CACNA2D3: variants seen among roughly 807,000 people sequenced by gnomAD.
The protein encoded by CACNA2D3 is calcium voltage-gated channel auxiliary subunit alpha2delta 3, also known as voltage-dependent calcium channel subunit alpha-2/delta-3.
Under a neutral mutation model 160.6 loss-of-function variants are expected in CACNA2D3, and 60 were observed. The ratio of observed to expected loss-of-function variants is 0.37; its 90% CI spans 0.30 to 0.46. The LOEUF (loss-of-function observed/expected upper bound fraction) is 0.46. CACNA2D3 is among the 20% of genes least tolerant of loss of function. The pLI, the probability that CACNA2D3 is intolerant of heterozygous loss-of-function variation, is 1.00. For synonymous variants in CACNA2D3, 558 were observed against 492.9 expected (o/e 1.13, Z -1.75); for missense variants, 1,205 against 1,365.0 (o/e 0.88, Z 1.85).
chr3:54,509,288 TG>T (rs1701420189), intron 5 of CACNA2D3, among the ~76,000 whole-genome samples: 2 of 24,198 alleles, frequency 8.3e-5, no homozygotes, highest in Admixed American at 1.3e-3. Flanking sequence ...CGTGTGTGTG[TG>T]TTTGTGTGTG....
At chr3:55,019,620 A>C (rs1025671699) in intron 35 of CACNA2D3, among the ~76,000 whole-genome samples, 1 of 152,162 alleles carries the variant, frequency 6.6e-6, no homozygotes, top group African/African-American at 2.4e-5. Context: ...ATTGTATCCA[A>C]CACACTGCTA....
chr3:54,971,133 G>T (rs1271500197), intron 29 of CACNA2D3, among the ~76,000 whole-genome samples: 1 of 151,084 alleles, frequency 6.6e-6, no homozygotes, highest in African/African-American at 2.4e-5. Flanking sequence ...AAGCCAGTCA[G>T]CAAAGTTTTC....
At chr3:54,470,534 T>G (rs1180415759) in intron 4 of CACNA2D3, among the ~76,000 whole-genome samples, 1 of 152,086 alleles carries the variant, frequency 6.6e-6, no homozygotes, top group Non-Finnish European at 1.5e-5. Flanking sequence ...AATTAATGGG[T>G]AAAATAACCA....
chr3:54,472,718 CAT>C (rs1407651505), intron 4 of CACNA2D3, among the ~76,000 whole-genome samples: 1 of 152,128 alleles, frequency 6.6e-6, no homozygotes, highest in Non-Finnish European at 1.5e-5. Context: ...GTGCAAAAAT[CAT>C]AAACATTTCT....
intron 2 of CACNA2D3, among the ~76,000 whole-genome samples, chr3:54,314,150 A>G (rs1184920436): frequency 6.6e-6 from 1 of 152,176 alleles, no homozygotes; most frequent in Non-Finnish European, 1.5e-5. Context: ...GTGAGAACAT[A>G]TGATGTTTGG....
At chr3:54,373,404 G>C (rs995826497) in intron 3 of CACNA2D3, among the ~76,000 whole-genome samples, 1 of 152,068 alleles carries the variant, frequency 6.6e-6, no homozygotes, top group African/African-American at 2.4e-5. Flanking sequence ...CAAGGCCCCT[G>C]GTATGTTATG....
At chr3:54,435,832 A>G (rs1700051177) in intron 4 of CACNA2D3, among the ~76,000 whole-genome samples, 1 of 152,254 alleles carries the variant, frequency 6.6e-6, no homozygotes, top group African/African-American at 2.4e-5. Context: ...AAGCAATTAC[A>G]AATTCTCTGC....
intron 8 of CACNA2D3, among the ~76,000 whole-genome samples, chr3:54,570,935 T>A (rs986118167): frequency 3.9e-5 from 6 of 152,182 alleles, no homozygotes; most frequent in African/African-American, 1.4e-4. Context: ...GACACAGCCC[T>A]CAGGAGGTCC....
At chr3:54,824,516 G>A (rs2106733003) in intron 14 of CACNA2D3, among the ~76,000 whole-genome samples, 1 of 152,316 alleles carries the variant, frequency 6.6e-6, no homozygotes, top group South Asian at 2.1e-4. Context: ...CATCATTGCA[G>A]AAGGGACGCA....
intron 18 of CACNA2D3, among the ~76,000 whole-genome samples, chr3:54,876,102 A>G (rs554803694): frequency 1.3e-5 from 2 of 152,034 alleles, no homozygotes; most frequent in African/African-American, 4.8e-5. Flanking sequence ...GGCCATTTGC[A>G]TTTTTCCAGT....
intron 13 of CACNA2D3, among the ~76,000 whole-genome samples, chr3:54,771,941 C>CTG (rs1702329970): frequency 6.6e-6 from 1 of 152,008 alleles, no homozygotes; most frequent in African/African-American, 2.4e-5. Flanking sequence ...CTCCTGCAAA[C>CTG]TGTCAAGAGA....
chr3:54,201,430 T>G (rs923344843), intron 2 of CACNA2D3, among the ~76,000 whole-genome samples: 1 of 152,218 alleles, frequency 6.6e-6, no homozygotes, highest in Non-Finnish European at 1.5e-5. Context: ...AGTATAGCAT[T>G]AACTCAAGAA....
At chr3:54,977,644 A>T (rs1025060890) in intron 29 of CACNA2D3, among the ~76,000 whole-genome samples, 1 of 152,158 alleles carries the variant, frequency 6.6e-6, no homozygotes, top group African/African-American at 2.4e-5. Context: ...CTGAATATGG[A>T]GGCCACTTCT....
intron 27 of CACNA2D3, among the ~76,000 whole-genome samples, chr3:54,959,125 A>G (rs936192415): frequency 2.6e-5 from 4 of 152,160 alleles, no homozygotes; most frequent in African/African-American, 7.2e-5. Flanking sequence ...TTATCTGGCA[A>G]TCCTATTAGA....
At chr3:54,708,687 G>A (rs980488229) in intron 11 of CACNA2D3, among the ~76,000 whole-genome samples, 1 of 152,210 alleles carries the variant, frequency 6.6e-6, no homozygotes, top group African/African-American at 2.4e-5. Flanking sequence ...ATATTTGTAA[G>A]TTAAGCCATA....
chr3:54,816,074 C>A (rs887374763), intron 13 of CACNA2D3, among the ~76,000 whole-genome samples: 2 of 152,164 alleles, frequency 1.3e-5, no homozygotes, highest in Non-Finnish European at 2.9e-5. Flanking sequence ...CTATTAATTT[C>A]AGTTCCTCGC....
chr3:54,871,759 G>A (rs1440367609), intron 18 of CACNA2D3, 137 bp downstream of exon 18: 1 of 652,198 alleles, frequency 1.5e-6, no homozygotes, highest in South Asian at 2.0e-5. Context: ...GAGACAAGGG[G>A]CCTTTGTACC....
intron 2 of CACNA2D3, among the ~76,000 whole-genome samples, chr3:54,295,413 G>T (rs145852451): frequency 6.9e-6 from 1 of 144,798 alleles, no homozygotes; most frequent in African/African-American, 2.5e-5. Context: ...CACAGCCTCA[G>T]AAGGTCCTGA....
intron 4 of CACNA2D3, among the ~76,000 whole-genome samples, chr3:54,465,267 T>G (rs1013895068): frequency 6.6e-6 from 1 of 152,138 alleles, no homozygotes; most frequent in African/African-American, 2.4e-5. Flanking sequence ...TTATTGAATT[T>G]CCTGTTTGAT....
Sources: gnomAD v4.1 joint callset for allele counts (sites outside exome capture counted in the v4.1 genomes callset) on GRCh38, gnomAD v4.1.1 for gene constraint, MANE v1.5 for transcripts, NCBI Gene and HGNC (gene_info 2026-07-23, HGNC 2026-07-21) for gene names.